PPA2: variants seen among roughly 807,000 people sequenced by gnomAD.
PPA2 encodes the protein inorganic pyrophosphatase 2.
Under a neutral mutation model 49.5 loss-of-function variants are expected in PPA2, and 48 were observed. That is an observed-to-expected ratio of 0.97 (90% CI 0.77 to 1.23). The LOEUF is 1.23. Ranked by LOEUF, PPA2 falls within the 50% of genes most tolerant of loss-of-function variation. PPA2 has a pLI of 0.00. For synonymous variants in PPA2, 131 were observed against 139.9 expected, an observed-to-expected ratio of 0.94 and a Z score of 0.45; for missense variants, 429 against 410.1, an observed-to-expected ratio of 1.05 and a Z score of -0.40.
intron 10 of PPA2, among the ~76,000 whole-genome samples, chr4:105,382,456 C>G (rs1334071395): frequency 6.6e-6 from 1 of 152,084 alleles, no homozygotes; most frequent in Non-Finnish European, 1.5e-5. Flanking sequence ...CATCTTAACC[C>G]CCAATAGTCA....
intron 9 of PPA2, among the ~76,000 whole-genome samples, chr4:105,389,524 T>C (rs1267373181): frequency 2.0e-5 from 3 of 151,306 alleles, no homozygotes; most frequent in African/African-American, 4.8e-5. Context: ...ATTCTAATTG[T>C]ATAAATGTTA....
At chr4:105,417,174 T>C (rs1223627539) in intron 7 of PPA2, among the ~76,000 whole-genome samples, 1 of 152,198 alleles carries the variant, frequency 6.6e-6, no homozygotes, top group Non-Finnish European at 1.5e-5. Flanking sequence ...TGACCTCCAT[T>C]GAACTTCCAG....
intron 1 of PPA2, among the ~76,000 whole-genome samples, chr4:105,468,824 G>C (rs1406312165): frequency 6.6e-6 from 1 of 152,136 alleles, no homozygotes; most frequent in Non-Finnish European, 1.5e-5. Flanking sequence ...GGAAACATTT[G>C]TGTACTATTT....
intron 3 of PPA2, among the ~76,000 whole-genome samples, chr4:105,451,326 T>C (rs536382887): frequency 1.3e-5 from 2 of 152,312 alleles, no homozygotes; most frequent in East Asian, 1.9e-4. Context: ...ATAAAAGTAA[T>C]GATGATTTAT....
At chr4:105,374,680 T>C (rs1733167351) in intron 10 of PPA2, among the ~76,000 whole-genome samples, 1 of 152,142 alleles carries the variant, frequency 6.6e-6, no homozygotes, top group Admixed American at 6.6e-5. Context: ...CATGACACAC[T>C]GAACCAATAT....
intron 9 of PPA2, among the ~76,000 whole-genome samples, chr4:105,392,317 G>A (rs1733957864): frequency 6.6e-6 from 1 of 151,870 alleles, no homozygotes; most frequent in South Asian, 2.1e-4. Flanking sequence ...AGGTATCAAT[G>A]AAAAGAACTT....
chr4:105,412,780 G>C (rs1722822809), intron 7 of PPA2, among the ~76,000 whole-genome samples: 1 of 152,194 alleles, frequency 6.6e-6, no homozygotes, highest in Non-Finnish European at 1.5e-5. Context: ...AAACCACAAT[G>C]AGATATCATC....
chr4:105,445,494 TA>T (rs397744461), intron 5 of PPA2, among the ~76,000 whole-genome samples: 2 of 152,038 alleles, frequency 1.3e-5, no homozygotes, highest in African/African-American at 4.8e-5. Flanking sequence ...AATTTTTTTT[TA>T]AATTTTCCTG....
At chr4:105,473,635 CGCTATCT>C in intron 1 of PPA2, 1 of 715,308 alleles carries the variant, frequency 1.4e-6, no homozygotes, top group Non-Finnish European at 2.6e-6. Context: ...GGGCACAGGG[CGCTATCT>C]ACCCCCCAGC....
chr4:105,439,204 C>T (rs892150088), intron 5 of PPA2, among the ~76,000 whole-genome samples: 2 of 152,022 alleles, frequency 1.3e-5, no homozygotes, highest in African/African-American at 2.4e-5. Flanking sequence ...TATACCATAA[C>T]GAATTCCATT....
chr4:105,414,117 C>A (rs1722891494), intron 7 of PPA2, among the ~76,000 whole-genome samples: 1 of 152,002 alleles, frequency 6.6e-6, no homozygotes, highest in Non-Finnish European at 1.5e-5. Context: ...CAGTAGTAAG[C>A]AGAAAAATAA....
intron 6 of PPA2, among the ~76,000 whole-genome samples, chr4:105,436,728 C>T (rs1044854361): frequency 6.6e-6 from 1 of 152,102 alleles, no homozygotes; most frequent in African/African-American, 2.4e-5. Context: ...GGAAAGGAGA[C>T]TCTATTCAAT....
intron 11 of PPA2, among the ~76,000 whole-genome samples, 172 bp from the exon 12 acceptor site, chr4:105,369,925 G>A (rs373314101): frequency 1.6e-4 from 24 of 152,238 alleles, no homozygotes; most frequent in Admixed American, 4.6e-4. Flanking sequence ...TCAAACTTTC[G>A]TCCCAAGTTC....
rs569359066 is a variant in PPA2, at chr4:105,449,015, G to A, written c.321+335C>T. Among the ~76,000 whole-genome samples the A allele has an allele frequency of 7.7e-3, 975 of 126,284 alleles. 39 individuals are homozygous for A. The highest frequency in any genetic ancestry group is 0.012 in the Non-Finnish European group (749 of 63,612). 82.8% of individuals were successfully genotyped at this position (126,284 alleles called of 152,430 possible). A position where few individuals can be genotyped will look rare whatever the true frequency, so the allele number is the denominator to read the frequency against. On this transcript the variant is annotated intron_variant, in intron 4 of 11. Coordinates refer to ENST00000341695, the MANE Select transcript of PPA2 (RefSeq NM_176869.3). ...GGGCGGATCACGAGGTCAGGAGATC[G>A]AGACCATCCCGGCTAAAACGGTGAA... is the stretch of plus-strand genomic sequence containing the variant.
intron 6 of PPA2, among the ~76,000 whole-genome samples, chr4:105,427,607 A>C (rs1385048088): frequency 1.3e-5 from 2 of 152,154 alleles, no homozygotes; most frequent in Non-Finnish European, 2.9e-5. Flanking sequence ...TCAGTGACTG[A>C]AGATCAAATT....
At chr4:105,403,041 T>C (rs1212217610) in intron 7 of PPA2, among the ~76,000 whole-genome samples, 14 of 152,108 alleles carry the variant, frequency 9.2e-5, no homozygotes, top group Non-Finnish European at 1.5e-5. Flanking sequence ...TCTTTCTTTT[T>C]TGACACAGTG....
chr4:105,412,840 C>T (rs1300042900), intron 7 of PPA2, among the ~76,000 whole-genome samples: 3 of 152,292 alleles, frequency 2.0e-5, no homozygotes, highest in African/African-American at 4.8e-5. Context: ...ACAACAGATG[C>T]TGGAGAGGAT....
intron 7 of PPA2, among the ~76,000 whole-genome samples, chr4:105,408,931 C>T (rs1722610393): frequency 6.6e-6 from 1 of 152,198 alleles, no homozygotes; most frequent in African/African-American, 2.4e-5. Flanking sequence ...AAGGCAGTCA[C>T]TTCCAAAATG....
intron 1 of PPA2, among the ~76,000 whole-genome samples, chr4:105,467,309 A>C (rs903320979): frequency 1.3e-5 from 2 of 152,228 alleles, no homozygotes; most frequent in Non-Finnish European, 2.9e-5. Context: ...TCTAGGGAGG[A>C]GCACTGAAGG....
Sources: allele counts gnomAD v4.1 joint callset (sites outside exome capture counted in the v4.1 genomes callset), GRCh38; gene constraint gnomAD v4.1.1; transcripts MANE v1.5; gene names NCBI Gene and HGNC (gene_info 2026-07-23, HGNC 2026-07-21).